Variants in DOCK7 observed in about 807,000 individuals in gnomAD.
DOCK7 encodes dedicator of cytokinesis 7, also known as dedicator of cytokinesis protein 7.
Under a neutral mutation model 271.0 loss-of-function variants are expected in DOCK7, and 138 were observed. That is an observed-to-expected ratio of 0.51 (90% CI 0.44 to 0.59). The LOEUF (loss-of-function observed/expected upper bound fraction) is 0.59, where lower values mean the gene tolerates loss of function less well. Among genes scored for constraint, DOCK7 ranks in the 20% least tolerant of loss-of-function variants. The pLI, the probability that DOCK7 is intolerant of heterozygous loss-of-function variation, is 0.00. For missense variants in DOCK7, 2,066 were observed against 2,592.4 expected (o/e 0.80, Z 4.41); for synonymous variants, 823 against 876.1 (o/e 0.94, Z 1.07).
chr1:62,527,818 G>A (rs1342649533), intron 31 of DOCK7, among the ~76,000 whole-genome samples: 1 of 146,544 alleles, frequency 6.8e-6, no homozygotes, highest in African/African-American at 2.5e-5. Context: ...CATGGCACAT[G>A]TATACATATG....
intron 1 of DOCK7, among the ~76,000 whole-genome samples, chr1:62,675,752 TCCA>T (rs947697985): frequency 1.1e-4 from 17 of 151,106 alleles, no homozygotes; most frequent in Non-Finnish European, 2.2e-4. Context: ...GCCACTGTAC[TCCA>T]GCCTGGGCGA....
intron 30 of DOCK7, 70 bp from the exon 31 acceptor site, chr1:62,528,375 C>T (rs1645078243): frequency 7.2e-6 from 10 of 1,387,074 alleles, no homozygotes; most frequent in African/African-American, 2.9e-5. Flanking sequence ...CTATTCTCCA[C>T]TATTCTTTAA....
intron 4 of DOCK7, among the ~76,000 whole-genome samples, chr1:62,649,334 G>A (rs1300385413): frequency 6.6e-6 from 1 of 152,120 alleles, no homozygotes; most frequent in African/African-American, 2.4e-5. Context: ...AATCACATTT[G>A]ATATGAATTA....
At chr1:62,491,523 G>A (rs1646464618) in intron 41 of DOCK7, among the ~76,000 whole-genome samples, 1 of 152,218 alleles carries the variant, frequency 6.6e-6, no homozygotes, top group Non-Finnish European at 1.5e-5. Flanking sequence ...ACGGATGGAA[G>A]GGAACAAGAT....
In DOCK7 at chr1:62,462,695, A is replaced by G. The variant is rs1013852106; in HGVS notation, c.6213-4990T>C. On this transcript the variant is annotated intron_variant, in intron 48 of 49. Coordinates refer to ENST00000635253, the MANE Select transcript of DOCK7 (RefSeq NM_001367561.1). ...ATATTCAATAAATGGCACTGAGATC[A>G]TTATCAGTTATCAGTATGGACAAAA... Among the ~76,000 whole-genome samples, 26 of 152,212 alleles carry G rather than the reference A, an allele frequency of 1.7e-4. 1 individual carries two copies. Among genetic ancestry groups the G allele is most frequent in the Non-Finnish European group, 1.0e-4 (7 of 68,024 alleles).
chr1:62,484,750 A>G (rs1646243557), intron 43 of DOCK7: 1 of 152,216 alleles, frequency 6.6e-6, no homozygotes, highest in Non-Finnish European at 1.5e-5. Flanking sequence ...CATACATAAC[A>G]TAGAAAGTGG....
chr1:62,514,925 C>T (rs1021796310), intron 31 of DOCK7, among the ~76,000 whole-genome samples: 4 of 151,964 alleles, frequency 2.6e-5, no homozygotes, highest in African/African-American at 9.7e-5. Flanking sequence ...AATATACTAA[C>T]TAAAAATGAG....
chr1:62,475,871 C>T lies in DOCK7; in HGVS notation c.5797G>A (p.Asp1933Asn), dbSNP rs1363874427. Reference sequence around the variant, plus strand: ...AATCGACGAAGATTGTAATTTTTGTCGAAATAGGTGATTCTGTCCTTCATC... The same window carrying T: ...AATCGACGAAGATTGTAATTTTTGTTGAAATAGGTGATTCTGTCCTTCATC... ...YEMKDRITYF[D>N]KNYNLRRFMY... Residue 1933 changes from aspartate (D) to asparagine (N), a missense_variant, in exon 46 of 50, where the codon GAC becomes AAC. Coordinates refer to ENST00000635253, the MANE Select transcript of DOCK7 (RefSeq NM_001367561.1). 2 of 1,613,940 alleles carry T rather than the reference C, an allele frequency of 1.2e-6. No homozygotes were observed. The highest frequency in any genetic ancestry group is 1.7e-6 in the Non-Finnish European group (2 of 1,179,920).
At position 62,618,722 on chromosome 1, in the gene DOCK7, G is replaced by A; in HGVS notation, c.1666C>T (p.Pro556Ser). ...ATCTCTTACCTGTAAGTAGTGTTTG[G>A]AACATAAACATCCCTTGCGGGAAAC... ...LEFPARDVYVPNTTYRNLLYI... is the reference protein window; with the variant it reads ...LEFPARDVYVSNTTYRNLLYI... Residue 556 changes from proline to serine, a missense_variant, in exon 14 of 50, where the codon CCA becomes TCA. By Grantham distance (74) the Pro-to-Ser change is moderately conservative. Transcript: ENST00000635253. 6.2e-7 allele frequency: 1 copy of A among 1,613,214 alleles called. No individual in the cohort carries two copies. The highest frequency in any genetic ancestry group is 1.3e-5 in the African/African-American group (1 of 75,014).
intron 1 of DOCK7, among the ~76,000 whole-genome samples, 190 bp downstream of exon 1, chr1:62,688,037 G>A (rs965148791): frequency 1.3e-5 from 2 of 151,558 alleles, no homozygotes; most frequent in Admixed American, 6.6e-5. Context: ...GAAGGCCGGG[G>A]TTCGAGGGCG....
chr1:62,586,560 T>C lies in DOCK7; in HGVS notation c.1747A>G (p.Ile583Val), dbSNP rs201871127. The C allele has an allele frequency of 6.2e-7, 1 of 1,613,166 alleles. No homozygotes were observed. The highest frequency in any genetic ancestry group is 1.7e-5 in the Admixed American group (1 of 59,974). ...FANRQGSARN[I>V]TVKVQFMYGE... ...TACATAAACTGGACTTTCACTGTTA[T>C]ATTTCTAGCAGAACCTTGACGATTG... Residue 583 changes from isoleucine to valine, a missense_variant, in exon 15 of 50, where the codon ATA becomes GTA. Ile to Val is a conservative substitution (Grantham distance 29). This residue lies in a region of DOCK7 where 1,414 missense variants were observed against 1,670.4 expected (regional missense o/e 0.85). Transcript: ENST00000635253.
At chr1:62,487,719 C>A in intron 42 of DOCK7, 2 of 254,044 alleles carry the variant, frequency 7.9e-6, no homozygotes, top group Non-Finnish European at 1.5e-5. Context: ...TGCACTTCAC[C>A]AAGTATCCAG....
chr1:62,618,076 G>A (rs959608233), intron 14 of DOCK7, among the ~76,000 whole-genome samples: 3 of 152,018 alleles, frequency 2.0e-5, no homozygotes. Context: ...TATCCCAACA[G>A]ACATGTCAAG....
rs1644561120 is a variant in DOCK7 at position 62,513,462 on chromosome 1, T to C, written c.4264A>G (p.Thr1422Ala). 5 of 1,607,082 alleles carry C rather than the reference T, an allele frequency of 3.1e-6. No individual in the cohort carries two copies. Among genetic ancestry groups the C allele is most frequent in the Non-Finnish European group, 4.2e-6 (5 of 1,178,244 alleles). Reference sequence around the variant, plus strand: ...TTCTCACCAGGAGGAGAAGCTATTGTGTACGTACCGAGCTGTCCTCGGCTT... The same window carrying C: ...TTCTCACCAGGAGGAGAAGCTATTGCGTACGTACCGAGCTGTCCTCGGCTT... ...RRSRGQLGTYTIASPPERSPS... is the reference protein window; with the variant it reads ...RRSRGQLGTYAIASPPERSPS... The change falls in exon 33 of 50, where the codon ACA becomes GCA. Residue 1422 changes from threonine to alanine, a missense_variant. Transcript: ENST00000635253.
intron 43 of DOCK7, among the ~76,000 whole-genome samples, chr1:62,480,809 A>G (rs1646099407): frequency 6.6e-6 from 1 of 152,114 alleles, no homozygotes; most frequent in Non-Finnish European, 1.5e-5. Flanking sequence ...GGAGATCGAG[A>G]CCACCCTGGC....
At chr1:62,636,028 G>A (rs1275120188) in intron 8 of DOCK7, among the ~76,000 whole-genome samples, 1 of 152,124 alleles carries the variant, frequency 6.6e-6, no homozygotes, top group Non-Finnish European at 1.5e-5. Context: ...CAAGATGGGC[G>A]GATCACGAGG....
intron 4 of DOCK7, among the ~76,000 whole-genome samples, chr1:62,651,051 T>C (rs868817654): frequency 4.1e-4 from 62 of 151,984 alleles, no homozygotes; most frequent in Middle Eastern, 6.8e-3. Flanking sequence ...AACCCAAATG[T>C]CCATCAATGA....
At chr1:62,469,804 G>T in intron 48 of DOCK7, among the ~76,000 whole-genome samples, 1 of 150,552 alleles carries the variant, frequency 6.6e-6, no homozygotes, top group East Asian at 1.9e-4. Context: ...GCCAACATAT[G>T]AAAAAATGCT....
chr1:62,458,152 C>CG (rs1256465825), intron 48 of DOCK7: 163 of 116,580 alleles, frequency 1.4e-3, no homozygotes, highest in African/African-American at 5.7e-3. Context: ...CTGTCTCAAA[C>CG]GTGGGTGTGT....
Sources: allele counts gnomAD v4.1 joint callset (sites outside exome capture counted in the v4.1 genomes callset), GRCh38; gene constraint gnomAD v4.1.1; regional missense constraint gnomAD v4.1.1; transcripts MANE v1.5; gene names NCBI Gene and HGNC (gene_info 2026-07-23, HGNC 2026-07-21).